RPGRIP1: variants seen among roughly 807,000 people sequenced by gnomAD.
RPGRIP1 encodes RPGR interacting protein 1.
RPGRIP1 carries 128 observed loss-of-function variants against 157.9 expected under a neutral mutation model. The ratio of observed to expected loss-of-function variants is 0.81; its 90% confidence interval spans 0.70 to 0.94. RPGRIP1 has a LOEUF of 0.94. RPGRIP1 is among the 40% of genes least tolerant of loss of function. RPGRIP1 has a pLI of 0.00. For synonymous variants in RPGRIP1, 554 were observed against 571.6 expected (o/e 0.97, Z 0.44); for missense variants, 1,486 against 1,545.8 (o/e 0.96, Z 0.65).
At chr14:21,316,543 A>C (rs1239996875) in intron 10 of RPGRIP1, among the ~76,000 whole-genome samples, 1 of 151,818 alleles carries the variant, frequency 6.6e-6, no homozygotes, top group African/African-American at 2.4e-5. Context: ...CAGCCTCCCA[A>C]GTAGCTAGGA....
chr14:21,319,582 A>G (rs2139198000), intron 11 of RPGRIP1, among the ~76,000 whole-genome samples: 1 of 152,152 alleles, frequency 6.6e-6, no homozygotes, highest in South Asian at 2.1e-4. Flanking sequence ...ACACACACAC[A>G]TTGGAACACA....
intron 21 of RPGRIP1, among the ~76,000 whole-genome samples, chr14:21,341,178 G>A (rs1308124162): frequency 2.0e-5 from 3 of 152,094 alleles, no homozygotes; most frequent in African/African-American, 2.4e-5. Flanking sequence ...TTACAGGCAT[G>A]AGCCACCATG....
At chr14:21,326,407 G>A (rs1284982172) in intron 17 of RPGRIP1, among the ~76,000 whole-genome samples, 2 of 152,170 alleles carry the variant, frequency 1.3e-5, no homozygotes, top group African/African-American at 4.8e-5. Flanking sequence ...TCCTAAGTGG[G>A]TAGAGCCAGC....
chr14:21,288,572 T>C (rs531819130), intron 2 of RPGRIP1, among the ~76,000 whole-genome samples: 9 of 151,726 alleles, frequency 5.9e-5, no homozygotes, highest in Non-Finnish European at 1.2e-4. Flanking sequence ...TGGAGTGCAG[T>C]GGCCCAATCT....
chr14:21,293,255 T>G (rs1462589845), intron 2 of RPGRIP1, among the ~76,000 whole-genome samples: 1 of 152,158 alleles, frequency 6.6e-6, no homozygotes, highest in Non-Finnish European at 1.5e-5. Context: ...TGTGCTCCAG[T>G]TTCCTCTGCT....
chr14:21,305,182 T>A (rs1433517326), intron 6 of RPGRIP1, among the ~76,000 whole-genome samples: 1 of 152,144 alleles, frequency 6.6e-6, no homozygotes, highest in African/African-American at 2.4e-5. Context: ...ATAGCTTTAC[T>A]CCCCCAAAAG....
chr14:21,340,168 G>C (rs1884844114), intron 21 of RPGRIP1, among the ~76,000 whole-genome samples: 1 of 152,100 alleles, frequency 6.6e-6, no homozygotes, highest in South Asian at 2.1e-4. Context: ...CCTGAGGAGT[G>C]GGAAATCAAA....
intron 21 of RPGRIP1, among the ~76,000 whole-genome samples, chr14:21,338,189 T>C (rs1269649460): frequency 6.6e-6 from 1 of 152,228 alleles, no homozygotes; most frequent in Non-Finnish European, 1.5e-5. Flanking sequence ...GTGCCGGGAT[T>C]ACAGGCGTGA....
chr14:21,337,349 G>A (rs1281230196), intron 21 of RPGRIP1, among the ~76,000 whole-genome samples: 3 of 151,574 alleles, frequency 2.0e-5, no homozygotes, highest in Non-Finnish European at 2.9e-5. Flanking sequence ...CAGTGCCCGA[G>A]ACAAATTAAG....
chr14:21,308,529 AAGAG>A (rs575732888), intron 7 of RPGRIP1, among the ~76,000 whole-genome samples: 2 of 152,156 alleles, frequency 1.3e-5, no homozygotes, highest in Non-Finnish European at 2.9e-5. Context: ...CAGGACACAA[AAGAG>A]AGAGTAGTCA....
intron 1 of RPGRIP1, among the ~76,000 whole-genome samples, chr14:21,281,291 G>A (rs1317806731): frequency 1.3e-5 from 2 of 151,978 alleles, no homozygotes; most frequent in Non-Finnish European, 2.9e-5. Context: ...CAAAGTGCTG[G>A]GATTACGGGC....
At chr14:21,345,505 G>A (rs1221893753) in intron 23 of RPGRIP1, among the ~76,000 whole-genome samples, 2 of 151,650 alleles carry the variant, frequency 1.3e-5, no homozygotes, top group African/African-American at 2.4e-5. Flanking sequence ...CAGGCTCAAG[G>A]GATTCTTGTG....
At chr14:21,346,392 A>C (rs535841002) in intron 23 of RPGRIP1, among the ~76,000 whole-genome samples, 23 of 152,194 alleles carry the variant, frequency 1.5e-4, no homozygotes, top group Non-Finnish European at 2.9e-4. Flanking sequence ...TCTACTAAAA[A>C]CACAAAAAAA....
At chr14:21,281,850 G>T (rs10152012) in intron 1 of RPGRIP1, among the ~76,000 whole-genome samples, 1 of 151,420 alleles carries the variant, frequency 6.6e-6, no homozygotes, top group East Asian at 1.9e-4. Context: ...ATCCCAGCAC[G>T]TTGGGAGACC....
intron 21 of RPGRIP1, among the ~76,000 whole-genome samples, chr14:21,336,079 G>T (rs759489318): frequency 1.3e-5 from 2 of 152,182 alleles, no homozygotes; most frequent in Non-Finnish European, 2.9e-5. Context: ...AAAGTCTGTT[G>T]TAAGAAATCA....
chr14:21,290,784 A>G (rs1028721829), intron 2 of RPGRIP1, among the ~76,000 whole-genome samples: 1 of 150,914 alleles, frequency 6.6e-6, no homozygotes, highest in Non-Finnish European at 1.5e-5. Flanking sequence ...GCGCCACTGC[A>G]CTCAAGCCTG....
intron 2 of RPGRIP1, among the ~76,000 whole-genome samples, chr14:21,290,531 G>A (rs1263854302): frequency 6.6e-6 from 1 of 152,098 alleles, no homozygotes; most frequent in East Asian, 1.9e-4. Context: ...AAAAGTTAAG[G>A]CCGGGCACGG....
At position 21,326,105 on chromosome 14, in the gene RPGRIP1, A is replaced by C; in HGVS notation, c.2642A>C (p.Glu881Ala). Residue 881 changes from glutamate (E) to alanine (A), a missense_variant, in exon 17 of 25, where the codon GAG becomes GCG. Coordinates refer to ENST00000400017, the MANE Select transcript of RPGRIP1 (RefSeq NM_020366.4). ...CATGTTTTTGATGATGAAGACTTAG[A>C]GCCTGGCTCGTATCTTGGCCGAGCC... ...SIHVFDDEDLEPGSYLGRARV... is the reference protein window; with the variant it reads ...SIHVFDDEDLAPGSYLGRARV... 6.2e-7 allele frequency: 1 copy of C among 1,609,820 alleles called. No individual in the cohort carries two copies. The highest frequency in any genetic ancestry group is 8.5e-7 in the Non-Finnish European group (1 of 1,176,790).
At chr14:21,338,956 T>G (rs1337030653) in intron 21 of RPGRIP1, among the ~76,000 whole-genome samples, 1 of 151,484 alleles carries the variant, frequency 6.6e-6, no homozygotes, top group Non-Finnish European at 1.5e-5. Context: ...CTGGCCAACA[T>G]GGTGAAACCC....
Sources: gnomAD v4.1 joint callset for allele counts (sites outside exome capture counted in the v4.1 genomes callset) on GRCh38, gnomAD v4.1.1 for gene constraint, MANE v1.5 for transcripts, NCBI Gene and HGNC (gene_info 2026-07-23, HGNC 2026-07-21) for gene names.